SETBP1: variants seen among roughly 807,000 people sequenced by gnomAD.
The protein encoded by SETBP1 is SET-binding protein.
Under a neutral mutation model 101.0 loss-of-function variants are expected in SETBP1, and 9 were observed. That is an observed-to-expected ratio of 0.09 (90% CI 0.05 to 0.16). The LOEUF is 0.16. Among genes scored for constraint, SETBP1 ranks in the 10% least tolerant of loss-of-function variants. The pLI is 1.00. For synonymous variants in SETBP1, 818 were observed against 788.5 expected (o/e 1.04, Z -0.63); for missense variants, 1,858 against 2,033.8 (o/e 0.91, Z 1.66).
chr18:45,022,121 G>C (rs961129767), intron 4 of SETBP1, among the ~76,000 whole-genome samples: 1 of 152,144 alleles, frequency 6.6e-6, no homozygotes, highest in African/African-American at 2.4e-5. Context: ...GACACATAGA[G>C]AACAAACCAC....
chr18:44,913,949 G>T (rs1360056318), intron 3 of SETBP1, among the ~76,000 whole-genome samples: 1 of 152,028 alleles, frequency 6.6e-6, no homozygotes, highest in African/African-American at 2.4e-5. Flanking sequence ...TACCAAACAT[G>T]ACTGCCATTC....
chr18:44,798,011 A>G (rs1599141911), intron 2 of SETBP1, among the ~76,000 whole-genome samples: 1 of 152,138 alleles, frequency 6.6e-6, no homozygotes, highest in African/African-American at 2.4e-5. Flanking sequence ...CTAAGCAGTC[A>G]CCTGTTCTAC....
intron 4 of SETBP1, among the ~76,000 whole-genome samples, chr18:45,013,412 CTCTTTCTT>C (rs113573331): frequency 2.4e-4 from 36 of 151,608 alleles, no homozygotes; most frequent in African/African-American, 8.0e-4. Flanking sequence ...CTGTTTCTGA[CTCTTTCTT>C]TCTTTCTTTC....
rs145996171 is a variant in SETBP1 at position 45,063,141 on chromosome 18, C to G, written c.4234C>G (p.Arg1412Gly). Residue 1412 changes from arginine (R) to glycine (G), a missense_variant, in exon 6 of 6, where the codon CGG (arginine) becomes GGG (glycine). Arg to Gly is a moderately radical substitution (Grantham distance 125). Coordinates refer to ENST00000649279, the MANE Select transcript of SETBP1 (RefSeq NM_015559.3). ...REIEAIQCEV[R>G]KMCNYTKILS... ...GATCGAAGCCATCCAGTGCGAAGTGCGGAAGATGTGCAACTACACCAAGAT... is the reference window on the plus strand; with the variant it reads ...GATCGAAGCCATCCAGTGCGAAGTGGGGAAGATGTGCAACTACACCAAGAT... 5.6e-6 allele frequency: 9 copies of G among 1,613,876 alleles called. No individual in the cohort carries two copies. The African/African-American group carries it at 1.2e-4, about 22-fold the overall frequency.
At chr18:44,741,780 G>T (rs575214821) in intron 2 of SETBP1, among the ~76,000 whole-genome samples, 15 of 152,046 alleles carry the variant, frequency 9.9e-5, no homozygotes, top group African/African-American at 2.9e-4. Context: ...CTTGGAATCC[G>T]GTGCCTGCCA....
intron 4 of SETBP1, among the ~76,000 whole-genome samples, chr18:45,028,605 G>A (rs994256774): frequency 2.6e-5 from 4 of 152,180 alleles, no homozygotes; most frequent in African/African-American, 9.7e-5. Flanking sequence ...CACAAGGGCT[G>A]AACTAGTTTA....
chr18:45,003,498 T>C (rs2072659701), intron 4 of SETBP1, among the ~76,000 whole-genome samples: 1 of 152,200 alleles, frequency 6.6e-6, no homozygotes, highest in African/African-American at 2.4e-5. Flanking sequence ...AACACCATCA[T>C]GAACCAGCTA....
chr18:44,968,469 C>T (rs923551346), intron 4 of SETBP1, among the ~76,000 whole-genome samples: 5 of 152,136 alleles, frequency 3.3e-5, no homozygotes, highest in East Asian at 1.9e-4. Flanking sequence ...TCTATGTGGA[C>T]GACCTGGGGG....
intron 2 of SETBP1, among the ~76,000 whole-genome samples, chr18:44,740,242 C>A (rs899444507): frequency 6.6e-6 from 1 of 152,196 alleles, no homozygotes; most frequent in African/African-American, 2.4e-5. Flanking sequence ...GCCTACTACT[C>A]TGCTGACAGC....
intron 2 of SETBP1, among the ~76,000 whole-genome samples, chr18:44,826,357 T>G (rs2072237674): frequency 6.6e-6 from 1 of 152,144 alleles, no homozygotes; most frequent in South Asian, 2.1e-4. Context: ...ATTCAGCTCT[T>G]TGGTGGCTTT....
At chr18:44,953,451 A>C (rs977629054) in intron 4 of SETBP1, 111 bp downstream of exon 4, 43 of 957,440 alleles carry the variant, frequency 4.5e-5, no homozygotes, top group Non-Finnish European at 6.7e-5. Flanking sequence ...AGAGGTGGGA[A>C]TCAAATTAAA....
intron 4 of SETBP1, among the ~76,000 whole-genome samples, chr18:45,027,915 C>T (rs972509880): frequency 2.0e-5 from 3 of 152,176 alleles, no homozygotes; most frequent in Non-Finnish European, 4.4e-5. Context: ...CTTCTAGATG[C>T]CATCTGCATT....
chr18:45,003,995 G>T (rs2145346076), intron 4 of SETBP1, among the ~76,000 whole-genome samples: 1 of 152,306 alleles, frequency 6.6e-6, no homozygotes, highest in South Asian at 2.1e-4. Flanking sequence ...GGGGGCTTCT[G>T]CTGGCATCTG....
At chr18:44,911,719 C>T (rs1053460064) in intron 3 of SETBP1, among the ~76,000 whole-genome samples, 9 of 152,310 alleles carry the variant, frequency 5.9e-5, no homozygotes, top group South Asian at 4.1e-4. Context: ...CCAATGAAAT[C>T]GTTCATCAGA....
At chr18:44,835,655 G>A (rs1016406525) in intron 2 of SETBP1, among the ~76,000 whole-genome samples, 4 of 152,142 alleles carry the variant, frequency 2.6e-5, no homozygotes, top group Non-Finnish European at 5.9e-5. Context: ...CACCTTGTCT[G>A]GCTGCTCAAT....
At chr18:44,885,198 T>A (rs953441294) in intron 3 of SETBP1, among the ~76,000 whole-genome samples, 1 of 152,158 alleles carries the variant, frequency 6.6e-6, no homozygotes, top group Non-Finnish European at 1.5e-5. Context: ...TAGCTCTCAG[T>A]TTTCTTATCT....
chr18:44,751,327 G>A lies in SETBP1; in HGVS notation c.486+49495G>A, dbSNP rs142870340. ...CTGGAAGACCTTCACAGCTTACCTA[G>A]CGACAAGATTTTGAGAGAGTTTGAG... On this transcript the variant is annotated intron_variant, in intron 2 of 5. Transcript: ENST00000649279. 1.6e-3 allele frequency among the ~76,000 whole-genome samples: 243 copies of A among 152,266 alleles called. 3 individuals are homozygous for A. Among genetic ancestry groups the A allele is most frequent in the Middle Eastern group, 3.4e-3 (1 of 294 alleles).
chr18:44,762,990 T>A (rs2070690770), intron 2 of SETBP1, among the ~76,000 whole-genome samples: 1 of 152,352 alleles, frequency 6.6e-6, no homozygotes, highest in South Asian at 2.1e-4. Context: ...ATCCAAAAGA[T>A]ATCATTAGCA....
At chr18:44,805,167 A>C (rs552016640) in intron 2 of SETBP1, among the ~76,000 whole-genome samples, 3 of 152,272 alleles carry the variant, frequency 2.0e-5, no homozygotes, top group East Asian at 1.9e-4. Flanking sequence ...TTCTCTCTCT[A>C]GGGATTTAAA....
Sources: allele counts gnomAD v4.1 joint callset (sites outside exome capture counted in the v4.1 genomes callset), GRCh38; gene constraint gnomAD v4.1.1; transcripts MANE v1.5; gene names NCBI Gene and HGNC (gene_info 2026-07-23, HGNC 2026-07-21).